Variants in ENOX1 observed in about 807,000 individuals in gnomAD.
ENOX1 encodes candidate growth-related and time keeping constitutive hydroquinone (NADH) oxidase.
A neutral mutation model predicts 82.5 loss-of-function variants in ENOX1; 42 were observed. That is an observed-to-expected ratio of 0.51 (90% CI 0.40 to 0.66). The LOEUF (loss-of-function observed/expected upper bound fraction) is 0.66, where lower values mean the gene tolerates loss of function less well. Ranked by LOEUF, ENOX1 falls within the 30% of genes least tolerant of loss-of-function variation. The pLI is 0.00. For missense variants in ENOX1, 608 were observed against 811.6 expected (o/e 0.75, Z 3.05); for synonymous variants, 271 against 282.2 (o/e 0.96, Z 0.40).
At chr13:43,678,800 C>G (rs1426489847) in intron 1 of ENOX1, among the ~76,000 whole-genome samples, 1 of 152,170 alleles carries the variant, frequency 6.6e-6, no homozygotes, top group Non-Finnish European at 1.5e-5. Flanking sequence ...CCTCTCTCCT[C>G]TCTCTGTCTC....
chr13:43,616,137 TCTAG>T lies in ENOX1; in HGVS notation c.-219+51338_-219+51341del. ...CTATAGATCTATAGATATCTATCTA[TCTAG>T]ATATCTATATAGATAGATATCTATC... On this transcript the variant is annotated intron_variant, in intron 2 of 16. Transcript: ENST00000690772. Among the ~76,000 whole-genome samples, 78 of 13,840 alleles carry T rather than the reference TCTAG, an allele frequency of 5.6e-3. 18 individuals carry two copies. The highest frequency in any genetic ancestry group is 6.1e-3 in the Non-Finnish European group (36 of 5,906). The allele number at this position is 13,840 out of a possible 152,430, so 9.1% of individuals were successfully genotyped here.
intron 3 of ENOX1, among the ~76,000 whole-genome samples, chr13:43,475,794 C>CAAAAAAAA (rs10624980): frequency 1.3e-3 from 90 of 70,884 alleles, no homozygotes; most frequent in African/African-American, 3.8e-3. Context: ...CATAACTGAC[C>CAAAAAAAA]AAAAAAAAAA....
intron 3 of ENOX1, among the ~76,000 whole-genome samples, chr13:43,470,367 TATATATATACATATATATAC>T (rs1566307862): frequency 1.9e-4 from 9 of 46,676 alleles, no homozygotes; most frequent in African/African-American, 4.8e-4. Context: ...TATATATACG[TATATATATACATATATATAC>T]GTATATATAT....
At chr13:43,687,628 G>A (rs138956707) in intron 1 of ENOX1, among the ~76,000 whole-genome samples, 1 of 152,256 alleles carries the variant, frequency 6.6e-6, no homozygotes, top group East Asian at 1.9e-4. Context: ...AGAGAGGAGG[G>A]CGGGAAACAT....
intron 1 of ENOX1, among the ~76,000 whole-genome samples, chr13:43,720,336 G>A (rs1355969872): frequency 2.6e-5 from 4 of 152,070 alleles, no homozygotes; most frequent in Admixed American, 6.5e-5. Flanking sequence ...CAGTGACTTC[G>A]CACAAGTTTT....
intron 15 of ENOX1, among the ~76,000 whole-genome samples, chr13:43,227,067 G>A (rs1253861290): frequency 6.6e-6 from 1 of 152,168 alleles, no homozygotes; most frequent in Non-Finnish European, 1.5e-5. Context: ...ATGTCCATAG[G>A]TGTATGGTTA....
At chr13:43,505,870 T>A (rs917070891) in intron 2 of ENOX1, among the ~76,000 whole-genome samples, 3 of 152,024 alleles carry the variant, frequency 2.0e-5, no homozygotes, top group Admixed American at 6.6e-5. Context: ...TCTTCTAGGG[T>A]TTTTATGGTT....
intron 2 of ENOX1, among the ~76,000 whole-genome samples, chr13:43,572,761 G>T (rs2080240312): frequency 6.6e-6 from 1 of 152,214 alleles, no homozygotes; most frequent in Admixed American, 6.5e-5. Flanking sequence ...TGTGGCAATT[G>T]TGATTCACAA....
chr13:43,412,149 A>G, intron 4 of ENOX1, 96 bp from the exon 5 acceptor site: 2 of 1,365,444 alleles, frequency 1.5e-6, no homozygotes, highest in Non-Finnish European at 1.0e-6. Flanking sequence ...TTCATTTAGC[A>G]CATTCCCAAA....
chr13:43,460,832 A>T lies in ENOX1; in HGVS notation c.-75+23177T>A, dbSNP rs1337606482. Among the ~76,000 whole-genome samples the T allele has an allele frequency of 3.0e-3, 60 of 19,780 alleles. 1 individual carries two copies. Among genetic ancestry groups the T allele is most frequent in the Non-Finnish European group, 5.3e-3 (48 of 9,138 alleles). 13.0% of individuals were successfully genotyped at this position (19,780 alleles called of 152,430 possible). The stretch of plus-strand genomic sequence containing the variant: ...AAAAAAAAAAAAAAAAAAAAAAAAT[A>T]GGGATAGCTCTCTACAAACCAAGGG... On this transcript the variant is annotated intron_variant, in intron 3 of 16. Coordinates refer to ENST00000690772, the MANE Select transcript of ENOX1 (RefSeq NM_001347969.2).
chr13:43,708,439 A>C (rs2087465282), intron 1 of ENOX1, among the ~76,000 whole-genome samples: 3 of 152,256 alleles, frequency 2.0e-5, no homozygotes, highest in African/African-American at 7.2e-5. Flanking sequence ...AGTGTACTTT[A>C]CTTCCTTTTG....
At chr13:43,338,951 C>T (rs1186179365) in intron 9 of ENOX1, among the ~76,000 whole-genome samples, 1 of 152,168 alleles carries the variant, frequency 6.6e-6, no homozygotes, top group Non-Finnish European at 1.5e-5. Flanking sequence ...TCCCAAAGTG[C>T]TGGGATTACA....
chr13:43,533,079 C>T (rs997227260), intron 2 of ENOX1, among the ~76,000 whole-genome samples: 1 of 151,956 alleles, frequency 6.6e-6, no homozygotes, highest in Non-Finnish European at 1.5e-5. Context: ...CATGGACATG[C>T]CTTAATTTAT....
At chr13:43,455,801 T>G (rs867109995) in intron 3 of ENOX1, among the ~76,000 whole-genome samples, 1 of 151,930 alleles carries the variant, frequency 6.6e-6, no homozygotes, top group Non-Finnish European at 1.5e-5. Flanking sequence ...GACGGTTTTA[T>G]AAGGGGAAAC....
chr13:43,253,300 T>C (rs2043563028), intron 14 of ENOX1, among the ~76,000 whole-genome samples: 1 of 152,214 alleles, frequency 6.6e-6, no homozygotes, highest in South Asian at 2.1e-4. Context: ...TTTTTCTTCA[T>C]TCTATCTTTG....
chr13:43,708,580 C>G (rs966023455), intron 1 of ENOX1, among the ~76,000 whole-genome samples: 1 of 152,124 alleles, frequency 6.6e-6, no homozygotes, highest in Admixed American at 6.5e-5. Context: ...GGCTGCAGAC[C>G]CATATGGATT....
At chr13:43,541,484 G>C (rs928010934) in intron 2 of ENOX1, among the ~76,000 whole-genome samples, 4 of 152,062 alleles carry the variant, frequency 2.6e-5, no homozygotes, top group Admixed American at 2.6e-4. Context: ...CTGGGCAAAA[G>C]TGCGAGAGCT....
intron 5 of ENOX1, among the ~76,000 whole-genome samples, chr13:43,381,848 A>G (rs114830464): frequency 7.9e-5 from 12 of 152,170 alleles, no homozygotes; most frequent in African/African-American, 2.9e-4. Flanking sequence ...TATCTATTAA[A>G]GAAGTAGACT....
chr13:43,607,256 TA>T (rs577687789), intron 2 of ENOX1, among the ~76,000 whole-genome samples: 1,656 of 150,244 alleles, frequency 0.011, 34 homozygotes, highest in African/African-American at 0.038. Context: ...AATTAAAAAT[TA>T]AAAAAAAAAT....
Sources: allele counts gnomAD v4.1 joint callset (sites outside exome capture counted in the v4.1 genomes callset), GRCh38; gene constraint gnomAD v4.1.1; transcripts MANE v1.5; gene names NCBI Gene and HGNC (gene_info 2026-07-23, HGNC 2026-07-21).